Variants in PUS10 observed in about 807,000 individuals in gnomAD.
The protein encoded by PUS10 is tRNA pseudouridine synthase Pus10.
A neutral mutation model predicts 75.0 loss-of-function variants in PUS10; 59 were observed. The ratio of observed to expected loss-of-function variants is 0.79; its 90% CI spans 0.64 to 0.98. The LOEUF (loss-of-function observed/expected upper bound fraction) is 0.98. Among genes scored for constraint, PUS10 ranks in the 50% least tolerant of loss-of-function variants. PUS10 has a pLI of 0.00. For missense variants in PUS10, 650 were observed against 614.4 expected (o/e 1.06, Z -0.61); for synonymous variants, 219 against 211.6 (o/e 1.03, Z -0.30).
chr2:60,987,939 A>G (rs1362110737), intron 4 of PUS10, among the ~76,000 whole-genome samples: 1 of 151,514 alleles, frequency 6.6e-6, no homozygotes, highest in Non-Finnish European at 1.5e-5. Context: ...AAAAAAAAAA[A>G]TTAGCCAGGC....
At chr2:60,975,314 T>C (rs1364013510) in intron 4 of PUS10, among the ~76,000 whole-genome samples, 1 of 152,018 alleles carries the variant, frequency 6.6e-6, no homozygotes, top group Non-Finnish European at 1.5e-5. Context: ...ACCCAGCTAA[T>C]TTTTGTATTT....
At chr2:60,996,728 G>A (rs190882059) in intron 4 of PUS10, among the ~76,000 whole-genome samples, 1 of 152,128 alleles carries the variant, frequency 6.6e-6, no homozygotes, top group East Asian at 1.9e-4. Flanking sequence ...CTCTTTAAGT[G>A]AGCATAAGTG....
At chr2:60,993,425 CCAGCCTGG>C (rs765112105) in intron 4 of PUS10, among the ~76,000 whole-genome samples, 1 of 151,754 alleles carries the variant, frequency 6.6e-6, no homozygotes, top group Non-Finnish European at 1.5e-5. Flanking sequence ...CCACTGCACT[CCAGCCTGG>C]GAGACAGGGT....
intron 4 of PUS10, among the ~76,000 whole-genome samples, chr2:60,974,211 CTTTTTTTTTTT>C (rs35241132): frequency 7.3e-5 from 7 of 96,118 alleles, no homozygotes; most frequent in East Asian, 2.9e-4. Context: ...GATAAAGCTC[CTTTTTTTTTTT>C]TTTTTTTTTT....
At chr2:60,985,050 A>T (rs1023907423) in intron 4 of PUS10, among the ~76,000 whole-genome samples, 3 of 152,198 alleles carry the variant, frequency 2.0e-5, no homozygotes, top group African/African-American at 4.8e-5. Flanking sequence ...AAAAAATTAA[A>T]TGTAATACTT....
At chr2:60,965,234 G>C in intron 7 of PUS10, 131 bp from the exon 8 acceptor site, 5 of 1,010,140 alleles carry the variant, frequency 4.9e-6, no homozygotes, top group Non-Finnish European at 7.7e-6. Context: ...GTCCCTGTAT[G>C]AGCTATATCG....
At chr2:60,997,050 T>C (rs1041108601) in intron 4 of PUS10, among the ~76,000 whole-genome samples, 9 of 152,220 alleles carry the variant, frequency 5.9e-5, no homozygotes, top group African/African-American at 1.7e-4. Flanking sequence ...TATAGATATA[T>C]GATTCCATGA....
chr2:60,972,340 G>T (rs1036382764), intron 4 of PUS10, among the ~76,000 whole-genome samples: 5 of 151,662 alleles, frequency 3.3e-5, no homozygotes, highest in African/African-American at 1.2e-4. Flanking sequence ...CGTGGAGGCG[G>T]GCGCCCGTAG....
intron 4 of PUS10, among the ~76,000 whole-genome samples, chr2:60,999,301 T>C (rs764507975): frequency 2.6e-5 from 4 of 152,150 alleles, no homozygotes; most frequent in Non-Finnish European, 4.4e-5. Context: ...TGTAGAAGTT[T>C]AGAGGAATCA....
At chr2:60,980,767 G>A (rs536892404) in intron 4 of PUS10, among the ~76,000 whole-genome samples, 2 of 152,258 alleles carry the variant, frequency 1.3e-5, no homozygotes, top group East Asian at 1.9e-4. Flanking sequence ...ATATACACAC[G>A]TACAGTAGAC....
intron 4 of PUS10, among the ~76,000 whole-genome samples, chr2:60,973,932 G>T (rs1676858150): frequency 6.6e-6 from 1 of 152,196 alleles, no homozygotes; most frequent in South Asian, 2.1e-4. Flanking sequence ...ATCCACCCCA[G>T]AGTCTCTCTG....
At chr2:60,994,644 G>T (rs1678330692) in intron 4 of PUS10, among the ~76,000 whole-genome samples, 1 of 152,146 alleles carries the variant, frequency 6.6e-6, no homozygotes, top group East Asian at 1.9e-4. Context: ...GATCACACTT[G>T]TTAAATAATT....
chr2:60,987,005 T>C (rs147139253), intron 4 of PUS10, among the ~76,000 whole-genome samples: 33 of 152,376 alleles, frequency 2.2e-4, no homozygotes, highest in African/African-American at 7.7e-4. Flanking sequence ...TCTGACTCTC[T>C]GTTCAGTAAT....
chr2:60,949,969 T>C (rs1040235969), intron 15 of PUS10, among the ~76,000 whole-genome samples: 6 of 152,214 alleles, frequency 3.9e-5, no homozygotes, highest in African/African-American at 1.4e-4. Context: ...TATGAACCTA[T>C]TTTTTTAATG....
rs541855613 is a variant in PUS10 at position 60,965,345 on chromosome 2, A to G, written c.677+78T>C. The G allele has an allele frequency of 8.1e-5, 95 of 1,171,670 alleles. No homozygotes were observed. The African/African-American group carries it at 9.2e-4, about 11-fold the overall frequency. 72.6% of individuals were successfully genotyped at this position (1,171,670 alleles called of 1,614,324 possible). A position where few individuals can be genotyped will look rare whatever the true frequency, so the allele number is the denominator to read the frequency against. On this transcript the variant is annotated intron_variant, in intron 7 of 17. Transcript: ENST00000316752. ...AGTTCTTCTCTTTCTTATTAGGAAGAGAAGCAATACTATTTTCATGAAAAC... is the reference window on the plus strand; with the variant it reads ...AGTTCTTCTCTTTCTTATTAGGAAGGGAAGCAATACTATTTTCATGAAAAC...
intron 3 of PUS10, 142 bp downstream of exon 3, chr2:61,008,619 C>A: frequency 1.6e-6 from 1 of 637,998 alleles, no homozygotes; most frequent in Non-Finnish European, 2.6e-6. Context: ...GTGATTGTAC[C>A]ACTGCACTTC....
At position 61,008,999 on chromosome 2, in the gene PUS10, A is replaced by G. The variant is rs1479373220; in HGVS notation, c.143T>C (p.Leu48Pro). 1 of 1,612,514 alleles carries G rather than the reference A, an allele frequency of 6.2e-7. No homozygotes were observed. The change falls in exon 3 of 18, where the codon CTA (leucine) becomes CCA (proline). Residue 48 changes from leucine (L) to proline (P), a missense_variant. Physicochemically the swap from Leu to Pro is moderately conservative, Grantham distance 98 (BLOSUM62 -3). Coordinates refer to ENST00000316752, the MANE Select transcript of PUS10 (RefSeq NM_144709.4). The part of the protein sequence containing the change: ...KLPYKELLNE[L>P]QKFLETEKDE... ...TTTTTCAGTTTCCAGAAATTTCTGT[A>G]GTTCATTGAGCAACTCCTGGAAAGT...
At chr2:61,001,398 T>C (rs573390459) in intron 4 of PUS10, among the ~76,000 whole-genome samples, 13 of 151,970 alleles carry the variant, frequency 8.6e-5, no homozygotes, top group Non-Finnish European at 1.9e-4. Flanking sequence ...TGCCTCAGCC[T>C]CCCAAATAGC....
intron 12 of PUS10, 146 bp from the exon 13 acceptor site, chr2:60,954,304 A>C (rs1350797030): frequency 3.4e-5 from 23 of 683,042 alleles, no homozygotes; most frequent in Non-Finnish European, 5.7e-5. Flanking sequence ...GAGGGAGGGA[A>C]GAATGTGTGA....
Sources: gnomAD v4.1 joint callset for allele counts (sites outside exome capture counted in the v4.1 genomes callset) on GRCh38, gnomAD v4.1.1 for gene constraint, MANE v1.5 for transcripts, NCBI Gene and HGNC (gene_info 2026-07-23, HGNC 2026-07-21) for gene names.